The following ZFYVE27 variants were observed in gnomAD, a reference collection of about 807,000 sequenced individuals.
The protein encoded by ZFYVE27 is protrudin.
In ZFYVE27, 36 loss-of-function variants were observed where a neutral mutation model predicts 52.8. That is an observed-to-expected ratio of 0.68 (90% CI 0.52 to 0.90). The LOEUF (loss-of-function observed/expected upper bound fraction) is 0.90, where lower values mean the gene tolerates loss of function less well. Ranked by LOEUF, ZFYVE27 falls within the 40% of genes least tolerant of loss-of-function variation. The pLI is 0.00. For synonymous variants in ZFYVE27, 223 were observed against 215.6 expected (o/e 1.03, Z -0.30); for missense variants, 450 against 527.2 (o/e 0.85, Z 1.43).
intron 2 of ZFYVE27, among the ~76,000 whole-genome samples, chr10:97,740,659 A>G (rs1382645341): frequency 6.6e-6 from 1 of 152,232 alleles, no homozygotes; most frequent in Admixed American, 6.5e-5. Context: ...CAGGAGGAGC[A>G]TTGGACTTAA....
chr10:97,746,044 TATATA>T (rs1220903803), intron 4 of ZFYVE27, among the ~76,000 whole-genome samples: 71 of 56,942 alleles, frequency 1.2e-3, no homozygotes, highest in African/African-American at 3.3e-3. Context: ...TATATATATA[TATATA>T]TATTTTTTTT....
At chr10:97,754,313 CTTTTTT>C (rs35784590) in intron 10 of ZFYVE27, among the ~76,000 whole-genome samples, 1 of 130,690 alleles carries the variant, frequency 7.7e-6, no homozygotes, top group Non-Finnish European at 1.7e-5. Context: ...TTCAAGATCC[CTTTTTT>C]TTTTTTTTTT....
chr10:97,748,434 G>A lies in ZFYVE27; in HGVS notation c.551+70G>A, dbSNP rs369030785. ...AGCTTGAGCCCGAGCAAAGCCAGCT[G>A]CCTTGAGAGGACCTCTGCCCCTCTT... is the stretch of plus-strand genomic sequence containing the variant. On this transcript the variant is annotated intron_variant, in intron 5 of 12. Transcript: ENST00000684270. 1.7e-5 allele frequency: 25 copies of A among 1,497,120 alleles called. No individual in the cohort carries two copies. The African/African-American group carries it at 2.3e-4, about 14-fold the overall frequency. 92.7% of individuals were successfully genotyped at this position (1,497,120 alleles called of 1,614,324 possible).
chr10:97,759,404 G>T lies in ZFYVE27; in HGVS notation c.*104G>T. ...CTGTGGTGTGTGCTGGGCAAATGTG[G>T]CCTGAATGCTAGGTAGGCTTCCCCT... On this transcript the variant is annotated 3_prime_UTR_variant, in exon 13 of 13. Transcript: ENST00000684270. 8.2e-7 allele frequency: 1 copy of T among 1,213,388 alleles called. No individual in the cohort carries two copies. The highest frequency in any genetic ancestry group is 1.2e-5 in the South Asian group (1 of 81,048). 75.2% of individuals were successfully genotyped at this position (1,213,388 alleles called of 1,614,324 possible).
At chr10:97,738,411 CTGTAGGTAGAAT>C in intron 1 of ZFYVE27, 54 bp from the exon 2 acceptor site, 2 of 1,567,242 alleles carry the variant, frequency 1.3e-6, no homozygotes, top group Non-Finnish European at 1.8e-6. Flanking sequence ...CCACCTGAAT[CTGTAGGTAGAAT>C]TGTGTTGAGG....
chr10:97,757,340 G>A, intron 11 of ZFYVE27, 29 bp downstream of exon 11: 2 of 1,614,086 alleles, frequency 1.2e-6, no homozygotes, highest in Non-Finnish European at 1.7e-6. Context: ...GCATTTGTTG[G>A]GGACAGTGTC....
intron 7 of ZFYVE27, 135 bp from the exon 8 acceptor site, chr10:97,751,256 A>T: frequency 4.3e-6 from 4 of 929,176 alleles, no homozygotes; most frequent in Non-Finnish European, 6.9e-6. Flanking sequence ...CCTTCCTGTG[A>T]GTTCCTTCTT....
At chr10:97,757,201 A>G in intron 10 of ZFYVE27, 64 bp from the exon 11 acceptor site, 2 of 1,611,288 alleles carry the variant, frequency 1.2e-6, no homozygotes, top group African/African-American at 1.3e-5. Flanking sequence ...TAGAAGCGCC[A>G]GGAGCAGGTG....
At position 97,759,449 on chromosome 10, in the gene ZFYVE27, G is replaced by C; in HGVS notation, c.*149G>C. On this transcript the variant is annotated 3_prime_UTR_variant, in exon 13 of 13. Coordinates refer to ENST00000684270, the MANE Select transcript of ZFYVE27 (RefSeq NM_001385875.1). Reference sequence around the variant, plus strand: ...TCCCCTTCCTTCCTCACTCTCTCCAGCTGGATTCTGGAGCTGTTCTCCATC... The same window carrying C: ...TCCCCTTCCTTCCTCACTCTCTCCACCTGGATTCTGGAGCTGTTCTCCATC... 1.2e-6 allele frequency: 1 copy of C among 810,368 alleles called. No homozygotes were observed. The highest frequency in any genetic ancestry group is 2.1e-6 in the Non-Finnish European group (1 of 478,766). 50.2% of individuals were successfully genotyped at this position (810,368 alleles called of 1,614,324 possible).
intron 4 of ZFYVE27, among the ~76,000 whole-genome samples, chr10:97,746,015 A>T (rs931494388): frequency 7.0e-5 from 10 of 142,824 alleles, no homozygotes; most frequent in Non-Finnish European, 1.4e-4. Flanking sequence ...AAATAGTTTT[A>T]TATATATATA....
At chr10:97,751,765 A>G (rs116547636) in intron 8 of ZFYVE27, among the ~76,000 whole-genome samples, 199 of 152,228 alleles carry the variant, frequency 1.3e-3, no homozygotes, top group African/African-American at 4.5e-3. Flanking sequence ...GATATAGGAA[A>G]GGCAGCTTTT....
At chr10:97,753,315 A>G in intron 10 of ZFYVE27, 133 bp downstream of exon 10, 1 of 1,384,468 alleles carries the variant, frequency 7.2e-7, no homozygotes, top group Non-Finnish European at 9.7e-7. Flanking sequence ...GCAGGGAGTG[A>G]AGGTGTGTCC....
At chr10:97,741,183 C>G (rs536527481) in intron 2 of ZFYVE27, among the ~76,000 whole-genome samples, 21 of 152,252 alleles carry the variant, frequency 1.4e-4, no homozygotes, top group Non-Finnish European at 2.4e-4. Context: ...ATTAGTTCAA[C>G]CATTGTGGAA....
At chr10:97,757,124 C>T in intron 10 of ZFYVE27, 141 bp from the exon 11 acceptor site, 1 of 1,094,910 alleles carries the variant, frequency 9.1e-7, no homozygotes, top group South Asian at 1.4e-5. Context: ...GTCTCTGAAT[C>T]TGGCCTTGCT....
At chr10:97,743,778 G>A (rs2044408428) in intron 3 of ZFYVE27, among the ~76,000 whole-genome samples, 1 of 152,208 alleles carries the variant, frequency 6.6e-6, no homozygotes, top group Admixed American at 6.5e-5. Flanking sequence ...GGACACATGG[G>A]TGTCTGTTGG....
rs375154108 is a variant in ZFYVE27, at chr10:97,744,775, G to C, written c.315G>C (p.Leu105=). The C allele has an allele frequency of 3.5e-5, 56 of 1,613,930 alleles. No homozygotes were observed. Among genetic ancestry groups the C allele is most frequent in the Non-Finnish European group, 4.6e-5 (54 of 1,180,054 alleles). ...CCCTGATGATTTCAGTGCCCGCCCT[G>C]CTGGGCTACCTTCAGGAGGTTTGCC... ...VGALMISVPA[L]LGYLQEVCRA... The change falls in exon 4 of 13, where the codon CTG becomes CTC. Residue 105 remains leucine (L), a synonymous_variant. Coordinates refer to ENST00000684270, the MANE Select transcript of ZFYVE27 (RefSeq NM_001385875.1).
chr10:97,738,964 C>T, intron 2 of ZFYVE27: 3 of 416,702 alleles, frequency 7.2e-6, no homozygotes. Flanking sequence ...ATCACGCCTT[C>T]TACAGCTTAG....
At chr10:97,756,800 G>C (rs2048456721) in intron 10 of ZFYVE27, among the ~76,000 whole-genome samples, 1 of 152,226 alleles carries the variant, frequency 6.6e-6, no homozygotes, top group South Asian at 2.1e-4. Context: ...CTCTCCTGCA[G>C]TCTTCAGGGG....
intron 2 of ZFYVE27, 72 bp downstream of exon 2, chr10:97,738,746 C>A: frequency 6.4e-7 from 1 of 1,561,954 alleles, no homozygotes; most frequent in African/African-American, 1.4e-5. Context: ...CTAACACTGA[C>A]CATTTAGGCA....
Sources: allele counts gnomAD v4.1 joint callset (sites outside exome capture counted in the v4.1 genomes callset), GRCh38; gene constraint gnomAD v4.1.1; transcripts MANE v1.5; gene names NCBI Gene and HGNC (gene_info 2026-07-23, HGNC 2026-07-21).